The following ITPKA variants were observed in gnomAD, a reference collection of about 807,000 sequenced individuals.
ITPKA encodes the protein inositol-trisphosphate 3-kinase A, also known as IP3 3-kinase A.
In ITPKA, 16 loss-of-function variants were observed where a neutral mutation model predicts 40.7. The ratio of observed to expected loss-of-function variants is 0.39; its 90% CI spans 0.27 to 0.60. ITPKA has a LOEUF of 0.60. Ranked by LOEUF, ITPKA falls within the 20% of genes least tolerant of loss-of-function variation. ITPKA has a pLI of 0.50. For missense variants in ITPKA, 540 were observed against 649.3 expected, an observed-to-expected ratio of 0.83 and a Z score of 1.83; for synonymous variants, 313 against 289.9, an observed-to-expected ratio of 1.08 and a Z score of -0.81.
Position 41,502,774 on chromosome 15 carries a change from C to T in ITPKA, c.1111-14C>T. ...TAGTTAATTTGCCCTCCTCTCCCAC[C>T]CCACCCTCTGCAGAGGCGGTATCTG... On this transcript the variant is annotated splice_polypyrimidine_tract_variant and intron_variant, in intron 5 of 6. Coordinates refer to ENST00000260386, the MANE Select transcript of ITPKA (RefSeq NM_002220.3). 6.3e-7 allele frequency: 1 copy of T among 1,599,330 alleles called. No homozygotes were observed. The highest frequency in any genetic ancestry group is 8.5e-7 in the Non-Finnish European group (1 of 1,171,256).
intron 1 of ITPKA, among the ~76,000 whole-genome samples, chr15:41,498,274 C>T (rs1219425784): frequency 6.7e-6 from 1 of 150,016 alleles, no homozygotes; most frequent in Non-Finnish European, 1.5e-5. Context: ...CCACTGGACT[C>T]CAGCCTGGAC....
In ITPKA at chr15:41,502,034, C is replaced by T. The variant is rs867711236; in HGVS notation, c.841C>T (p.Arg281Trp). The T allele has an allele frequency of 2.5e-6, 4 of 1,613,164 alleles. No individual in the cohort carries two copies. Among genetic ancestry groups the T allele is most frequent in the African/African-American group, 1.3e-5 (1 of 74,924 alleles). The change falls in exon 4 of 7, where the codon CGG becomes TGG. Residue 281 changes from arginine (R) to tryptophan (W), a missense_variant. Physicochemically the swap from Arg to Trp is moderately radical, Grantham distance 101. Coordinates refer to ENST00000260386, the MANE Select transcript of ITPKA (RefSeq NM_002220.3). ...GGAGGAGCTGACCAAGGCCCGTGAG[C>T]GGCCCAAGCTGCGGAAGGACATGTA... ...LEEELTKARE[R>W]PKLRKDMYKK...
In ITPKA at chr15:41,494,420, C is replaced by G; in HGVS notation, c.489+4C>G. Reference sequence around the variant, plus strand: ...AGCGGGCGAGGACGTGGGTCAGGTACGGGCCGCGGGGGCGGGGCCAGCGCC... The same window carrying G: ...AGCGGGCGAGGACGTGGGTCAGGTAGGGGCCGCGGGGGCGGGGCCAGCGCC... On this transcript the variant is annotated splice_donor_region_variant and intron_variant, in intron 1 of 6. Coordinates refer to ENST00000260386, the MANE Select transcript of ITPKA (RefSeq NM_002220.3). The surrounding 1 kb of genome is among the most constrained non-coding windows in gnomAD (Gnocchi z 7.8). 7.0e-7 allele frequency: 1 copy of G among 1,421,352 alleles called. No individual in the cohort carries two copies. 88.0% of individuals were successfully genotyped at this position (1,421,352 alleles called of 1,614,324 possible). A position where few individuals can be genotyped will look rare whatever the true frequency, so the allele number is the denominator to read the frequency against.
At position 41,494,353 on chromosome 15, in the gene ITPKA, G is replaced by T. The variant is rs895271038; in HGVS notation, c.426G>T (p.Leu142=). The T allele has an allele frequency of 6.6e-7, 1 of 1,512,262 alleles. No homozygotes were observed. The highest frequency in any genetic ancestry group is 1.4e-5 in the African/African-American group (1 of 70,428). 93.7% of individuals were successfully genotyped at this position (1,512,262 alleles called of 1,614,324 possible). ...TCGAGGACTCGGAGGACGACCTGCT[G>T]AGCGACAGTGAGAGCCGGAGCCGCG... ...SLLEDSEDDL[L]SDSESRSRGN... The change falls in exon 1 of 7, where the codon CTG becomes CTT. Residue 142 remains leucine, a synonymous_variant. Coordinates refer to ENST00000260386, the MANE Select transcript of ITPKA (RefSeq NM_002220.3). This position sits in a 1 kb window ranked among gnomAD's most constrained non-coding sequence, Gnocchi z 7.8.
rs1469950762 is a variant in ITPKA, at chr15:41,494,246, C to T, written c.319C>T (p.Pro107Ser). The T allele has an allele frequency of 1.9e-6, 3 of 1,544,494 alleles. No individual in the cohort carries two copies. The Admixed American group carries it at 5.6e-5, about 29-fold the overall frequency. Residue 107 changes from proline (P) to serine (S), a missense_variant, in exon 1 of 7, where the codon CCG (proline) becomes TCG (serine). Pro to Ser is a moderately conservative substitution (Grantham distance 74, BLOSUM62 -1). Transcript: ENST00000260386. The surrounding 1 kb of genome is among the most constrained non-coding windows in gnomAD (Gnocchi z 7.8). ...GCCGGAGCGGGAGAGGGACTGCCTC[C>T]CGGCAGCGGGCTCTTCGCACCTGCA... ...GPPERERDCLPAAGSSHLQQP... is the reference protein window; with the variant it reads ...GPPERERDCLSAAGSSHLQQP...
At position 41,501,774 on chromosome 15, in the gene ITPKA, C is replaced by G. The variant is rs937591220; in HGVS notation, c.726C>G (p.Gly242=). ...TCCACGGCGTGGTGGAGCGCGACGG[C>G]GAAAGCTACCTGCAGCTGCAGGACC... is the stretch of plus-strand genomic sequence containing the variant. ...PAFHGVVERD[G]ESYLQLQDLL... Residue 242 remains glycine, a synonymous_variant, in exon 3 of 7, where the codon GGC becomes GGG. Coordinates refer to ENST00000260386, the MANE Select transcript of ITPKA (RefSeq NM_002220.3). 39 of 1,613,018 alleles carry G rather than the reference C, an allele frequency of 2.4e-5. No homozygotes were observed. The highest frequency in any genetic ancestry group is 3.3e-5 in the Non-Finnish European group (39 of 1,179,866).
intron 2 of ITPKA, 28 bp from the exon 3 acceptor site, chr15:41,501,607 G>A: frequency 6.3e-7 from 1 of 1,587,256 alleles, no homozygotes; most frequent in Non-Finnish European, 8.6e-7. Flanking sequence ...GAAGGGGCTG[G>A]GCGGCGCTGA....
chr15:41,499,388 G>A (rs577683655), intron 1 of ITPKA, among the ~76,000 whole-genome samples: 1 of 152,186 alleles, frequency 6.6e-6, no homozygotes, highest in Non-Finnish European at 1.5e-5. Context: ...CATGCAATAG[G>A]CAGGTAGCAT....
chr15:41,496,681 G>A (rs182680916), intron 1 of ITPKA, among the ~76,000 whole-genome samples: 7 of 152,288 alleles, frequency 4.6e-5, no homozygotes, highest in African/African-American at 1.7e-4. Context: ...AGACCTGGAT[G>A]CCATCCCCTC....
In ITPKA at chr15:41,503,150, G is replaced by C; in HGVS notation, c.1370G>C (p.Ser457Thr). 1 of 1,587,670 alleles carries C rather than the reference G, an allele frequency of 6.3e-7. No individual in the cohort carries two copies. The highest frequency in any genetic ancestry group is 8.6e-7 in the Non-Finnish European group (1 of 1,160,000). ...GACAATCTCATTGGCATCCTGGCCA[G>C]CCTGGCTGAGAGATGAGGCTGGACT... ...GLDNLIGILA[S>T]LAER The change falls in exon 7 of 7, where the codon AGC becomes ACC. Residue 457 changes from serine (S) to threonine (T), a missense_variant. Ser to Thr is a moderately conservative substitution (Grantham distance 58). Transcript: ENST00000260386.
intron 1 of ITPKA, among the ~76,000 whole-genome samples, chr15:41,495,190 G>A (rs534191311): frequency 6.6e-6 from 1 of 152,334 alleles, no homozygotes; most frequent in Admixed American, 6.5e-5. Flanking sequence ...CATTCCTGAC[G>A]CCCGCCACTT....
At position 41,501,391 on chromosome 15, in the gene ITPKA, C is replaced by A. The variant is rs1595449632; in HGVS notation, c.490-72C>A. ...GGTGGGTCGGGGGCGTGGCGAGACC[C>A]TGTTTCAGTGGAGGGAGGGCTTATG... On this transcript the variant is annotated intron_variant, in intron 1 of 6. Transcript: ENST00000260386. 2.6e-6 allele frequency: 4 copies of A among 1,542,676 alleles called. No individual in the cohort carries two copies. The South Asian group carries it at 4.9e-5, about 19-fold the overall frequency.
rs1430349720 is a variant in ITPKA, at chr15:41,494,219, C to A, written c.292C>A (p.Pro98Thr). ...EPDVPPTSPGPPERERDCLPA... is the reference protein window; with the variant it reads ...EPDVPPTSPGTPERERDCLPA... The stretch of plus-strand genomic sequence containing the variant: ...CGACGTGCCCCCGACCAGCCCTGGG[C>A]CGCCGGAGCGGGAGAGGGACTGCCT... The change falls in exon 1 of 7, where the codon CCG becomes ACG. Residue 98 changes from proline to threonine, a missense_variant. By Grantham distance (38) the Pro-to-Thr change is conservative. Transcript: ENST00000260386. This position sits in a 1 kb window ranked among gnomAD's most constrained non-coding sequence, Gnocchi z 7.8. 3.3e-6 allele frequency: 5 copies of A among 1,534,428 alleles called. No individual in the cohort carries two copies. The South Asian group carries it at 6.0e-5, about 19-fold the overall frequency.
At chr15:41,501,419 T>C (rs2051109196) in intron 1 of ITPKA, 44 bp from the exon 2 acceptor site, 1 of 1,567,722 alleles carries the variant, frequency 6.4e-7, no homozygotes, top group Non-Finnish European at 8.7e-7. Context: ...GGCTTATGCA[T>C]TGCCGAGACG....
Position 41,501,465 on chromosome 15 carries a change from A to G in ITPKA, c.492A>G (p.Lys164=), listed in dbSNP as rs1256559111. 3 of 1,608,336 alleles carry G rather than the reference A, an allele frequency of 1.9e-6. No individual in the cohort carries two copies. In the East Asian group the frequency reaches 6.7e-5, roughly 36 times the overall value. Residue 164 remains lysine, a splice_region_variant and synonymous_variant, in exon 2 of 7, where the codon AAA becomes AAG. Coordinates refer to ENST00000260386, the MANE Select transcript of ITPKA (RefSeq NM_002220.3). ...GACCTTGACCCTGTCGCTTTCAGAAAAACCACTGGCAGAAGATCCGGACCA... is the reference window on the plus strand; with the variant it reads ...GACCTTGACCCTGTCGCTTTCAGAAGAACCACTGGCAGAAGATCCGGACCA... ...QLEAGEDVGQ[K]NHWQKIRTMV... is the part of the protein sequence containing the mutation.
rs2051141889 is a variant in ITPKA at position 41,503,503 on chromosome 15, G to A, written c.*337G>A. The A allele has an allele frequency of 4.9e-6, 3 of 608,066 alleles. No homozygotes were observed. Among genetic ancestry groups the A allele is most frequent in the African/African-American group, 1.8e-5 (1 of 55,386 alleles). 37.7% of individuals were successfully genotyped at this position (608,066 alleles called of 1,614,324 possible). ...GCAAGCCCAGACCTTCCGGTCTAAC[G>A]TCTCACACCACGACGGACTCCCCTT... On this transcript the variant is annotated 3_prime_UTR_variant, in exon 7 of 7. Transcript: ENST00000260386.
In ITPKA at chr15:41,502,302, C is replaced by G. The variant is rs569312019; in HGVS notation, c.1009-100C>G. ...CGCCTGCCCCTCCGCCCTCTCCCACCGCCTCGCCGTCCCCTGCAACTGGGA... is the reference window on the plus strand; with the variant it reads ...CGCCTGCCCCTCCGCCCTCTCCCACGGCCTCGCCGTCCCCTGCAACTGGGA... On this transcript the variant is annotated intron_variant, in intron 4 of 6. Coordinates refer to ENST00000260386, the MANE Select transcript of ITPKA (RefSeq NM_002220.3). The G allele has an allele frequency of 5.3e-5, 73 of 1,390,386 alleles. 1 individual carries two copies. In the African/African-American group the frequency reaches 7.5e-4, roughly 14 times the overall value. The allele number at this position is 1,390,386 out of a possible 1,614,324, so 86.1% of individuals were successfully genotyped here. A position where few individuals can be genotyped will look rare whatever the true frequency, so the allele number is the denominator to read the frequency against.
intron 5 of ITPKA, 57 bp downstream of exon 5, chr15:41,502,560 C>T: frequency 9.1e-7 from 1 of 1,103,012 alleles, no homozygotes; most frequent in Admixed American, 1.7e-5. Flanking sequence ...GAGGACTGCC[C>T]CTGTCATCTG....
intron 1 of ITPKA, among the ~76,000 whole-genome samples, chr15:41,501,008 GAAAAAAAAA>G (rs11366854): frequency 3.4e-5 from 2 of 58,180 alleles, no homozygotes. Context: ...GACTCCATCT[GAAAAAAAAA>G]AAAAAAAAAA....
Sources: gnomAD v4.1 joint callset for allele counts (sites outside exome capture counted in the v4.1 genomes callset) on GRCh38, gnomAD v4.1.1 for gene constraint, Gnocchi (gnomAD v3.1) non-coding constraint, MANE v1.5 for transcripts, NCBI Gene and HGNC (gene_info 2026-07-23, HGNC 2026-07-21) for gene names.